Variants in DNAJC15 observed in about 807,000 individuals in gnomAD.
The protein encoded by DNAJC15 is dnaJ homolog subfamily C member 15.
In DNAJC15, 27 loss-of-function variants were observed where a neutral mutation model predicts 22.4. That is an observed-to-expected ratio of 1.20 (90% CI 0.89 to 1.66). DNAJC15 has a LOEUF of 1.66. DNAJC15 is among the 40% of genes most tolerant of loss of function. DNAJC15 has a pLI of 0.00. For synonymous variants in DNAJC15, 79 were observed against 63.2 expected, an observed-to-expected ratio of 1.25 and a Z score of -1.19; for missense variants, 208 against 187.1, an observed-to-expected ratio of 1.11 and a Z score of -0.65.
At chr13:43,055,321 C>T (rs2040525093) in intron 1 of DNAJC15, among the ~76,000 whole-genome samples, 2 of 152,118 alleles carry the variant, frequency 1.3e-5, no homozygotes, top group South Asian at 4.1e-4. Flanking sequence ...TAAGACATCC[C>T]CTCCTCACTG....
intron 3 of DNAJC15, among the ~76,000 whole-genome samples, chr13:43,073,019 C>G: frequency 6.6e-6 from 1 of 152,102 alleles, no homozygotes; most frequent in East Asian, 1.9e-4. Context: ...TCTCCTTTTC[C>G]TAAAGTCAGT....
Position 43,109,074 on chromosome 13 carries a change from A to G in DNAJC15, c.*1826A>G, listed in dbSNP as rs2040812462. 6.6e-6 allele frequency: 1 copy of G among 152,218 alleles called. No individual in the cohort carries two copies. Among genetic ancestry groups the G allele is most frequent in the African/African-American group, 2.4e-5 (1 of 41,448 alleles). The allele number at this position is 152,218 out of a possible 1,614,324, so 9.4% of individuals were successfully genotyped here. A position where few individuals can be genotyped will look rare whatever the true frequency, so the allele number is the denominator to read the frequency against. On this transcript the variant is annotated 3_prime_UTR_variant, in exon 6 of 6. Coordinates refer to ENST00000379221, the MANE Select transcript of DNAJC15 (RefSeq NM_013238.3). ...CCCTCTTTTTCTGGTACATGCAGCA[A>G]AAGTAATATGAATTATCAGCTTTCT...
At chr13:43,075,026 C>T (rs1342919204) in intron 3 of DNAJC15, among the ~76,000 whole-genome samples, 5 of 152,114 alleles carry the variant, frequency 3.3e-5, no homozygotes, top group Non-Finnish European at 7.3e-5. Context: ...ATGAGTGGTC[C>T]TGGAACCAGT....
intron 1 of DNAJC15, among the ~76,000 whole-genome samples, chr13:43,064,168 G>C (rs1056696648): frequency 2.0e-5 from 3 of 152,156 alleles, no homozygotes; most frequent in Non-Finnish European, 4.4e-5. Context: ...GAACTGATGA[G>C]GGGAGAAGCC....
In DNAJC15 at chr13:43,051,661, G is replaced by GTGTGTGTGTGTGTGTA. The variant is rs899772980; in HGVS notation, c.109-14024_109-14023insGTGTGTGTGTGTGTAT. Among the ~76,000 whole-genome samples the GTGTGTGTGTGTGTGTA allele has an allele frequency of 2.6e-4, 20 of 78,106 alleles. No individual in the cohort carries two copies. In the East Asian group the frequency reaches 3.2e-3, roughly 12 times the overall value. 51.2% of individuals were successfully genotyped at this position (78,106 alleles called of 152,430 possible). ...TGTGTGTGTGTGTGTGTGTGTGTGTGTATATATATCACATTTTCTTTATCC... is the reference window on the plus strand; with the variant it reads ...TGTGTGTGTGTGTGTGTGTGTGTGTGTGTGTGTGTGTGTGTATATATATATCACATTTTCTTTATCC... On this transcript the variant is annotated intron_variant, in intron 1 of 5. Coordinates refer to ENST00000379221, the MANE Select transcript of DNAJC15 (RefSeq NM_013238.3).
At position 43,094,006 on chromosome 13, in the gene DNAJC15, TG is replaced by T. The variant is rs200252185; in HGVS notation, c.382+8171del. Among the ~76,000 whole-genome samples, 1,193 of 152,314 alleles carry T rather than the reference TG, an allele frequency of 7.8e-3. 14 individuals carry two copies. Among genetic ancestry groups the T allele is most frequent in the African/African-American group, 0.027 (1,139 of 41,554 alleles). ...ATACGACTTCACACAAATAGGTAGT[TG>T]GGAAAGGAAAGAGTATTTTATTCAT... On this transcript the variant is annotated intron_variant, in intron 5 of 5. Coordinates refer to ENST00000379221, the MANE Select transcript of DNAJC15 (RefSeq NM_013238.3).
At chr13:43,069,504 T>C (rs761642015) in intron 3 of DNAJC15, among the ~76,000 whole-genome samples, 12 of 152,200 alleles carry the variant, frequency 7.9e-5, no homozygotes, top group Non-Finnish European at 5.9e-5. Flanking sequence ...CCTGTAGAAC[T>C]TATTATACAT....
At chr13:43,098,249 G>A (rs974458859) in intron 5 of DNAJC15, among the ~76,000 whole-genome samples, 5 of 152,174 alleles carry the variant, frequency 3.3e-5, no homozygotes, top group African/African-American at 9.7e-5. Context: ...TAGCTGGAAC[G>A]TAAGACATCA....
At chr13:43,036,503 A>G (rs1005268283) in intron 1 of DNAJC15, among the ~76,000 whole-genome samples, 55 of 152,194 alleles carry the variant, frequency 3.6e-4, no homozygotes, top group Admixed American at 3.9e-4. Flanking sequence ...GCACCATCCA[A>G]TTGGCCGATT....
Position 43,051,661 on chromosome 13 carries a change from G to GTGTGTGTA in DNAJC15, c.109-14024_109-14023insGTGTGTAT, listed in dbSNP as rs899772980. ...TGTGTGTGTGTGTGTGTGTGTGTGT[G>GTGTGTGTA]TATATATATCACATTTTCTTTATCC... On this transcript the variant is annotated intron_variant, in intron 1 of 5. Transcript: ENST00000379221. 1.0e-4 allele frequency among the ~76,000 whole-genome samples: 8 copies of GTGTGTGTA among 78,108 alleles called. No individual in the cohort carries two copies. The East Asian group carries it at 1.1e-3, about 10-fold the overall frequency. The allele number at this position is 78,108 out of a possible 152,430, so 51.2% of individuals were successfully genotyped here.
chr13:43,057,377 A>C (rs2040536781), intron 1 of DNAJC15, among the ~76,000 whole-genome samples: 1 of 151,334 alleles, frequency 6.6e-6, no homozygotes, highest in South Asian at 2.1e-4. Context: ...TCTTTTTTCT[A>C]CTTGTTCGAT....
chr13:43,049,865 C>T (rs1426483866), intron 1 of DNAJC15, among the ~76,000 whole-genome samples: 1 of 152,080 alleles, frequency 6.6e-6, no homozygotes, highest in Non-Finnish European at 1.5e-5. Flanking sequence ...AAATTTTTTT[C>T]TAGGAAACAA....
At chr13:43,026,638 T>G (rs1158884332) in intron 1 of DNAJC15, among the ~76,000 whole-genome samples, 1 of 152,070 alleles carries the variant, frequency 6.6e-6, no homozygotes, top group South Asian at 2.1e-4. Flanking sequence ...GTAGGGCATA[T>G]TTGGAAATCT....
chr13:43,105,654 A>T (rs2040793214), intron 5 of DNAJC15, among the ~76,000 whole-genome samples: 1 of 152,202 alleles, frequency 6.6e-6, no homozygotes, highest in Non-Finnish European at 1.5e-5. Context: ...GAGTGAGCAT[A>T]GTATGGCCTA....
chr13:43,081,412 ATTG>A (rs1232523308), intron 4 of DNAJC15, among the ~76,000 whole-genome samples: 1 of 151,928 alleles, frequency 6.6e-6, no homozygotes, highest in Non-Finnish European at 1.5e-5. Flanking sequence ...TATCAACAGT[ATTG>A]TGTATTATAT....
intron 4 of DNAJC15, among the ~76,000 whole-genome samples, chr13:43,081,041 A>G (rs1453296443): frequency 1.3e-5 from 2 of 152,214 alleles, no homozygotes; most frequent in African/African-American, 2.4e-5. Context: ...AAAATACTGT[A>G]TGTGTTCTAG....
At chr13:43,043,322 G>C (rs896210586) in intron 1 of DNAJC15, among the ~76,000 whole-genome samples, 2 of 152,074 alleles carry the variant, frequency 1.3e-5, no homozygotes, top group African/African-American at 4.8e-5. Context: ...TGGCCAGACT[G>C]GTCTCGAACT....
At chr13:43,066,145 C>T (rs575022179) in intron 2 of DNAJC15, among the ~76,000 whole-genome samples, 3 of 152,146 alleles carry the variant, frequency 2.0e-5, no homozygotes, top group South Asian at 2.1e-4. Context: ...ATAGTTGTTC[C>T]GTGTAGTTTA....
intron 5 of DNAJC15, among the ~76,000 whole-genome samples, chr13:43,086,461 A>G (rs750865198): frequency 4.6e-5 from 7 of 151,628 alleles, no homozygotes; most frequent in Admixed American, 2.0e-4. Flanking sequence ...TCAGAAGTCA[A>G]AGGGGGGTGG....
Sources: gnomAD v4.1 joint callset for allele counts (sites outside exome capture counted in the v4.1 genomes callset) on GRCh38, gnomAD v4.1.1 for gene constraint, MANE v1.5 for transcripts, NCBI Gene and HGNC (gene_info 2026-07-23, HGNC 2026-07-21) for gene names.